The following ERCC5 variants were observed in gnomAD, a reference collection of about 807,000 sequenced individuals.
ERCC5 encodes ERCC excision repair 5, endonuclease.
Under a neutral mutation model 105.6 loss-of-function variants are expected in ERCC5, and 68 were observed. The ratio of observed to expected loss-of-function variants is 0.64; its 90% CI spans 0.53 to 0.79. The LOEUF is 0.79. Ranked by LOEUF, ERCC5 falls within the 30% of genes least tolerant of loss-of-function variation. The pLI is 0.00. For synonymous variants in ERCC5, 546 were observed against 526.2 expected (o/e 1.04, Z -0.51); for missense variants, 1,373 against 1,426.7 (o/e 0.96, Z 0.61).
At chr13:102,861,018 C>T (rs11839437) in intron 6 of ERCC5, among the ~76,000 whole-genome samples, 3,675 of 144,018 alleles carry the variant, frequency 0.026, 172 homozygotes, top group African/African-American at 0.089. Flanking sequence ...GGGGAAGTCT[C>T]GCTCTTGTCC....
intron 12 of ERCC5, among the ~76,000 whole-genome samples, chr13:102,869,181 G>T (rs1882948074): frequency 6.6e-6 from 1 of 152,164 alleles, no homozygotes; most frequent in East Asian, 1.9e-4. Flanking sequence ...CGGCGAAACT[G>T]TTGTAGTGAT....
intron 1 of ERCC5, chr13:102,848,992 T>C (rs989020579): frequency 2.3e-4 from 83 of 368,382 alleles, no homozygotes; most frequent in African/African-American, 1.6e-3. Flanking sequence ...CCTATTCTAA[T>C]GGATAGCAGG....
At position 102,861,482 on chromosome 13, in the gene ERCC5, TTTTG is replaced by T. The variant is rs778145860; in HGVS notation, c.673-17_673-14del. ...ATCTGTATTTAATATAAAACAGTAA[TTTTG>T]TTTGTTTATTTTGCCTTTAGGAGTC... On this transcript the variant is annotated intron_variant, in intron 6 of 14. Transcript: ENST00000652225. 186 of 1,612,446 alleles carry T rather than the reference TTTTG, an allele frequency of 1.2e-4. No homozygotes were observed. In the African/African-American group the frequency reaches 2.3e-3, roughly 20 times the overall value.
intron 10 of ERCC5, 85 bp from the exon 11 acceptor site, chr13:102,866,547 A>G (rs1351712253): frequency 6.3e-7 from 1 of 1,599,086 alleles, no homozygotes; most frequent in Non-Finnish European, 8.5e-7. Flanking sequence ...AATGCATTAC[A>G]TGAAGTGGTA....
At chr13:102,872,855 G>C (rs563338710) in intron 13 of ERCC5, among the ~76,000 whole-genome samples, 1 of 152,308 alleles carries the variant, frequency 6.6e-6, no homozygotes, top group East Asian at 1.9e-4. Context: ...TTTTATTACT[G>C]GTTGTCCTTT....
Position 102,861,668 on chromosome 13 carries a change from A to C in ERCC5, c.834A>C (p.Ser278=). 1 of 1,614,186 alleles carries C rather than the reference A, an allele frequency of 6.2e-7. No individual in the cohort carries two copies. The highest frequency in any genetic ancestry group is 8.5e-7 in the Non-Finnish European group (1 of 1,180,022). The part of the protein sequence containing the change: ...DEGGFLKEVE[S]RRVVSEDTSH... Reference sequence around the variant, plus strand: ...GGGGCTTTCTGAAGGAGGTAGAGTCAAGGAGAGTGGTCTCTGAAGACACTT... The same window carrying C: ...GGGGCTTTCTGAAGGAGGTAGAGTCCAGGAGAGTGGTCTCTGAAGACACTT... Residue 278 remains serine (S), a synonymous_variant, in exon 7 of 15, where the codon TCA becomes TCC. Coordinates refer to ENST00000652225, the MANE Select transcript of ERCC5 (RefSeq NM_000123.4).
At chr13:102,864,034 A>G (rs1193442853) in intron 8 of ERCC5, among the ~76,000 whole-genome samples, 7 of 151,974 alleles carry the variant, frequency 4.6e-5, no homozygotes, top group Admixed American at 2.0e-4. Context: ...GTATATGCAC[A>G]TAGATATGTT....
chr13:102,858,436 A>G lies in ERCC5; in HGVS notation c.672+18A>G. 6.2e-7 allele frequency: 1 copy of G among 1,614,104 alleles called. No individual in the cohort carries two copies. Among genetic ancestry groups the G allele is most frequent in the Non-Finnish European group, 8.5e-7 (1 of 1,179,968 alleles). On this transcript the variant is annotated intron_variant, in intron 6 of 14. Coordinates refer to ENST00000652225, the MANE Select transcript of ERCC5 (RefSeq NM_000123.4). ...TGCCAGAGGTGAAATATGCAACAGT[A>G]CATTCATGCTTAGAATTAAGAACTT...
intron 12 of ERCC5, among the ~76,000 whole-genome samples, chr13:102,870,041 TA>T (rs1055408781): frequency 6.6e-6 from 1 of 152,066 alleles, no homozygotes; most frequent in African/African-American, 2.4e-5. Context: ...GAATACAGAG[TA>T]AAGAGCAGGA....
rs771721463 is a variant in ERCC5 at position 102,853,826 on chromosome 13, A to G, written c.334A>G (p.Thr112Ala). 35 of 1,614,228 alleles carry G rather than the reference A, an allele frequency of 2.2e-5. No individual in the cohort carries two copies. The highest frequency in any genetic ancestry group is 3.0e-5 in the Non-Finnish European group (35 of 1,180,038). ...SRKTTEKLLK[T>A]FLKRQAIKTA... ...GAAAACGACAGAGAAGCTTCTGAAA[A>G]CATTTTTGAAAAGACAAGCCATCAA... The change falls in exon 3 of 15, where the codon ACA (threonine) becomes GCA (alanine). Residue 112 changes from threonine to alanine, a missense_variant. Around this residue, in one of 3 missense-constraint regions of ERCC5, gnomAD observed 1,004 missense variants for 1,059.7 expected, o/e 0.95. Coordinates refer to ENST00000652225, the MANE Select transcript of ERCC5 (RefSeq NM_000123.4).
Position 102,852,303 on chromosome 13 carries a change from G to A in ERCC5, c.264+10G>A, listed in dbSNP as rs1456401888. The A allele has an allele frequency of 1.4e-5, 23 of 1,613,060 alleles. No homozygotes were observed. Among genetic ancestry groups the A allele is most frequent in the East Asian group, 1.1e-4 (5 of 44,852 alleles). ...GAAGAAACAGACTTTGGTAAGTGTC[G>A]TATAGTTTTTAGTAAGTGTCAAATA... On this transcript the variant is annotated intron_variant, in intron 2 of 14. Coordinates refer to ENST00000652225, the MANE Select transcript of ERCC5 (RefSeq NM_000123.4).
chr13:102,866,606 G>A lies in ERCC5; in HGVS notation c.2320-26G>A, dbSNP rs751871731. 13 of 1,611,650 alleles carry A rather than the reference G, an allele frequency of 8.1e-6. No individual in the cohort carries two copies. In the Admixed American group the frequency reaches 1.0e-4, roughly 12 times the overall value. ...GGCCTGGCGGTGCCCTTCCCTGGGCGTCACTGTGTACCCCTCACTCTGCAG... is the reference window on the plus strand; with the variant it reads ...GGCCTGGCGGTGCCCTTCCCTGGGCATCACTGTGTACCCCTCACTCTGCAG... On this transcript the variant is annotated intron_variant, in intron 10 of 14. Transcript: ENST00000652225.
In ERCC5 at chr13:102,854,356, A is replaced by G. The variant is rs757909896; in HGVS notation, c.449A>G (p.Gln150Arg). 1.2e-6 allele frequency: 2 copies of G among 1,614,084 alleles called. No individual in the cohort carries two copies. The highest frequency in any genetic ancestry group is 1.7e-6 in the Non-Finnish European group (2 of 1,180,040). ...ENDLYVLPPL[Q>R]EEEKHSSEEE... is the part of the protein sequence containing the mutation. ...GACCTCTATGTTTTGCCTCCTTTAC[A>G]AGAGGAAGAAAAACACAGGTAAATG... Residue 150 changes from glutamine to arginine, a missense_variant, in exon 4 of 15, where the codon CAA (glutamine) becomes CGA (arginine). This residue lies in a region of ERCC5 where 1,004 missense variants were observed against 1,059.7 expected (regional missense o/e 0.95). Coordinates refer to ENST00000652225, the MANE Select transcript of ERCC5 (RefSeq NM_000123.4).
chr13:102,872,837 C>A (rs1883078645), intron 13 of ERCC5, among the ~76,000 whole-genome samples: 3 of 152,234 alleles, frequency 2.0e-5, no homozygotes, highest in Admixed American at 1.3e-4. Context: ...GATGACTAAT[C>A]TTGTCCTTTT....
rs1882685648 is a variant in ERCC5 at position 102,862,750 on chromosome 13, C to T, written c.1601C>T (p.Ser534Leu). 1 of 1,614,160 alleles carries T rather than the reference C, an allele frequency of 6.2e-7. No individual in the cohort carries two copies. Among genetic ancestry groups the T allele is most frequent in the South Asian group, 1.1e-5 (1 of 91,080 alleles). ...PASPTCTNSVSKNETHAEVLE... is the reference protein window; with the variant it reads ...PASPTCTNSVLKNETHAEVLE... Reference sequence around the variant, plus strand: ...TCTCCAACTTGTACAAATTCTGTGTCAAAGAATGAAACACATGCTGAAGTG... The same window carrying T: ...TCTCCAACTTGTACAAATTCTGTGTTAAAGAATGAAACACATGCTGAAGTG... The change falls in exon 8 of 15, where the codon TCA becomes TTA. Residue 534 changes from serine (S) to leucine (L), a missense_variant. Physicochemically the swap from Ser to Leu is moderately radical, Grantham distance 145. Transcript: ENST00000652225.
intron 1 of ERCC5, among the ~76,000 whole-genome samples, chr13:102,851,072 T>G (rs1395771324): frequency 6.6e-6 from 1 of 152,212 alleles, no homozygotes; most frequent in Non-Finnish European, 1.5e-5. Context: ...TAAGTTATCT[T>G]TAGTCTCAGC....
intron 4 of ERCC5, among the ~76,000 whole-genome samples, chr13:102,855,584 T>A (rs1319747452): frequency 6.6e-6 from 1 of 152,206 alleles, no homozygotes; most frequent in Non-Finnish European, 1.5e-5. Context: ...AAACTTTAAC[T>A]CCTTAATTAC....
chr13:102,852,305 A>G lies in ERCC5; in HGVS notation c.264+12A>G, dbSNP rs779359125. 3.1e-6 allele frequency: 5 copies of G among 1,613,216 alleles called. No homozygotes were observed. The highest frequency in any genetic ancestry group is 4.2e-6 in the Non-Finnish European group (5 of 1,179,902). ...AGAAACAGACTTTGGTAAGTGTCGTATAGTTTTTAGTAAGTGTCAAATAAT... is the reference window on the plus strand; with the variant it reads ...AGAAACAGACTTTGGTAAGTGTCGTGTAGTTTTTAGTAAGTGTCAAATAAT... On this transcript the variant is annotated intron_variant, in intron 2 of 14. Transcript: ENST00000652225.
intron 8 of ERCC5, 111 bp downstream of exon 8, chr13:102,863,214 G>C: frequency 8.1e-7 from 1 of 1,229,424 alleles, no homozygotes; most frequent in Non-Finnish European, 1.1e-6. Context: ...TAAGGAACGA[G>C]AGACGTAGAA....
Sources: allele counts gnomAD v4.1 joint callset (sites outside exome capture counted in the v4.1 genomes callset), GRCh38; gene constraint gnomAD v4.1.1; regional missense constraint gnomAD v4.1.1; transcripts MANE v1.5; gene names NCBI Gene and HGNC (gene_info 2026-07-23, HGNC 2026-07-21).